CFAP299: variants seen among roughly 807,000 people sequenced by gnomAD.
CFAP299 encodes cilia and flagella associated protein 299, also known as cilia- and flagella-associated protein 299.
In CFAP299, 21 loss-of-function variants were observed where a neutral mutation model predicts 27.0. The observed-to-expected ratio is 0.78, with a 90% CI of 0.55 to 1.12. The LOEUF is 1.12. Ranked by LOEUF, CFAP299 falls within the 50% of genes most tolerant of loss-of-function variation. CFAP299 has a pLI of 0.00. For missense variants in CFAP299, 310 were observed against 276.6 expected, an observed-to-expected ratio of 1.12 and a Z score of -0.86; for synonymous variants, 104 against 98.1, an observed-to-expected ratio of 1.06 and a Z score of -0.36.
chr4:80,505,216 T>C (rs1313923217), intron 2 of CFAP299, among the ~76,000 whole-genome samples: 2 of 151,890 alleles, frequency 1.3e-5, no homozygotes, highest in East Asian at 1.9e-4. Context: ...GGGGCAGCAA[T>C]AGATTAGGTA....
chr4:80,680,290 G>A (rs1719758540), intron 3 of CFAP299, among the ~76,000 whole-genome samples: 2 of 152,178 alleles, frequency 1.3e-5, no homozygotes, highest in South Asian at 2.1e-4. Context: ...ACCTCTGGAC[G>A]AAATCTTAAT....
chr4:80,634,951 G>T (rs1408542212), intron 3 of CFAP299, among the ~76,000 whole-genome samples: 1 of 151,898 alleles, frequency 6.6e-6, no homozygotes, highest in Non-Finnish European at 1.5e-5. Context: ...AATATGAATA[G>T]TAAAATGAAA....
intron 3 of CFAP299, among the ~76,000 whole-genome samples, chr4:80,633,081 A>G (rs1310337610): frequency 6.6e-6 from 1 of 151,956 alleles, no homozygotes; most frequent in African/African-American, 2.4e-5. Flanking sequence ...TTTCTATCTT[A>G]TCACCATAAT....
intron 3 of CFAP299, among the ~76,000 whole-genome samples, chr4:80,586,967 T>C (rs1007968911): frequency 6.6e-6 from 1 of 152,200 alleles, no homozygotes; most frequent in African/African-American, 2.4e-5. Flanking sequence ...AAGAAACCAC[T>C]GTACCTGGGT....
intron 2 of CFAP299, among the ~76,000 whole-genome samples, chr4:80,553,094 T>G (rs1026120494): frequency 6.6e-6 from 1 of 152,160 alleles, no homozygotes; most frequent in Non-Finnish European, 1.5e-5. Flanking sequence ...TACAGATTAT[T>G]TTATTACCCA....
chr4:80,864,590 C>T (rs1367527855), intron 3 of CFAP299, among the ~76,000 whole-genome samples: 4 of 149,242 alleles, frequency 2.7e-5, no homozygotes, highest in Non-Finnish European at 5.9e-5. Context: ...ATTTTAGCTT[C>T]AAATTATATA....
intron 3 of CFAP299, among the ~76,000 whole-genome samples, chr4:80,822,953 T>C (rs1729785045): frequency 6.6e-6 from 1 of 152,210 alleles, no homozygotes; most frequent in Non-Finnish European, 1.5e-5. Context: ...TGATGTTTTT[T>C]AAAACCACTT....
intron 3 of CFAP299, among the ~76,000 whole-genome samples, chr4:80,591,948 GAT>G (rs1736809463): frequency 1.3e-5 from 2 of 152,204 alleles, no homozygotes; most frequent in Non-Finnish European, 1.5e-5. Flanking sequence ...TGTGGGAACA[GAT>G]TTTTACTAAT....
intron 2 of CFAP299, among the ~76,000 whole-genome samples, chr4:80,439,137 T>G (rs1728228600): frequency 2.0e-5 from 3 of 152,252 alleles, no homozygotes; most frequent in Non-Finnish European, 2.9e-5. Context: ...ATTTATCACT[T>G]ATTTCTATTA....
intron 2 of CFAP299, among the ~76,000 whole-genome samples, chr4:80,407,279 C>T (rs774557198): frequency 1.2e-4 from 18 of 152,030 alleles, no homozygotes; most frequent in Non-Finnish European, 2.4e-4. Context: ...TTAAACCTAC[C>T]CCAAAACTCT....
chr4:80,758,889 A>G (rs908622893), intron 3 of CFAP299, among the ~76,000 whole-genome samples: 2 of 152,172 alleles, frequency 1.3e-5, no homozygotes, highest in Non-Finnish European at 2.9e-5. Flanking sequence ...GACAAATTCT[A>G]TTGGTCAAAA....
At position 80,604,314 on chromosome 4, in the gene CFAP299, C is replaced by CT. The variant is rs571716408; in HGVS notation, c.333+21139dup. ...GTAAGAGAAAATGCAAGCTGATGCA[C>CT]TTTTTTTTCTGCCTAATGATAAAAA... On this transcript the variant is annotated intron_variant, in intron 3 of 5. Transcript: ENST00000358105. Among the ~76,000 whole-genome samples the CT allele has an allele frequency of 5.1e-3, 771 of 150,978 alleles. 5 individuals are homozygous for CT. Among genetic ancestry groups the CT allele is most frequent in the Middle Eastern group, 0.02 (6 of 294 alleles).
chr4:80,427,315 A>G (rs1318504602), intron 2 of CFAP299, among the ~76,000 whole-genome samples: 1 of 152,048 alleles, frequency 6.6e-6, no homozygotes, highest in African/African-American at 2.4e-5. Context: ...TTTTTAGCCT[A>G]CTGTTATCTT....
Position 80,460,806 on chromosome 4 carries a change from C to T in CFAP299, c.242+97922C>T, listed in dbSNP as rs142417933. Reference sequence around the variant, plus strand: ...TTGTCCCAAAATCTACCACCTTCAACTTGCCAAAGAAAAAAGTCAAACTCT... The same window carrying T: ...TTGTCCCAAAATCTACCACCTTCAATTTGCCAAAGAAAAAAGTCAAACTCT... On this transcript the variant is annotated intron_variant, in intron 2 of 5. Coordinates refer to ENST00000358105, the MANE Select transcript of CFAP299 (RefSeq NM_152770.3). 3.0e-3 allele frequency among the ~76,000 whole-genome samples: 458 copies of T among 152,252 alleles called. 3 individuals are homozygous for T. Among genetic ancestry groups the T allele is most frequent in the African/African-American group, 0.011 (441 of 41,554 alleles).
At chr4:80,509,060 G>A (rs1483214372) in intron 2 of CFAP299, among the ~76,000 whole-genome samples, 1 of 152,092 alleles carries the variant, frequency 6.6e-6, no homozygotes, top group Non-Finnish European at 1.5e-5. Context: ...CCTGACCCCA[G>A]ATGTTTCCAT....
intron 3 of CFAP299, among the ~76,000 whole-genome samples, chr4:80,841,545 T>C (rs1383696284): frequency 6.6e-6 from 1 of 152,068 alleles, no homozygotes; most frequent in Non-Finnish European, 1.5e-5. Context: ...AAATAAATAA[T>C]TTAAAAATTA....
At chr4:80,469,963 A>G (rs1300486569) in intron 2 of CFAP299, among the ~76,000 whole-genome samples, 2 of 152,114 alleles carry the variant, frequency 1.3e-5, no homozygotes, top group African/African-American at 2.4e-5. Context: ...ATCTAGGTGT[A>G]TCATTTGACT....
intron 2 of CFAP299, among the ~76,000 whole-genome samples, chr4:80,415,887 G>A (rs1281568318): frequency 6.6e-6 from 1 of 152,050 alleles, no homozygotes; most frequent in Non-Finnish European, 1.5e-5. Context: ...ACATACATGG[G>A]GTGATTACTA....
chr4:80,775,666 T>A (rs1726494957), intron 3 of CFAP299, among the ~76,000 whole-genome samples: 1 of 151,638 alleles, frequency 6.6e-6, no homozygotes, highest in Non-Finnish European at 1.5e-5. Context: ...GAAAAAAAAA[T>A]CAGCCCAAAT....
Sources: allele counts gnomAD v4.1 joint callset (sites outside exome capture counted in the v4.1 genomes callset), GRCh38; gene constraint gnomAD v4.1.1; transcripts MANE v1.5; gene names NCBI Gene and HGNC (gene_info 2026-07-23, HGNC 2026-07-21).